ABTB2: variants seen among roughly 807,000 people sequenced by gnomAD.
The protein encoded by ABTB2 is ankyrin repeat and BTB/POZ domain-containing protein 2.
A neutral mutation model predicts 104.1 loss-of-function variants in ABTB2; 56 were observed. The observed-to-expected ratio is 0.54, with a 90% CI of 0.43 to 0.67. ABTB2 has a LOEUF of 0.67. Among genes scored for constraint, ABTB2 ranks in the 30% least tolerant of loss-of-function variants. The pLI, the probability that ABTB2 is intolerant of heterozygous loss-of-function variation, is 0.00. For synonymous variants in ABTB2, 606 were observed against 608.2 expected, an observed-to-expected ratio of 1.00 and a Z score of 0.05; for missense variants, 1,279 against 1,407.7, an observed-to-expected ratio of 0.91 and a Z score of 1.46.
chr11:34,354,017 A>C (rs1167636564), intron 1 of ABTB2, among the ~76,000 whole-genome samples: 1 of 152,166 alleles, frequency 6.6e-6, no homozygotes, highest in Non-Finnish European at 1.5e-5. Context: ...TAAGTAATTC[A>C]TTGCCCCTCT....
chr11:34,248,900 G>A (rs910108718), intron 1 of ABTB2, among the ~76,000 whole-genome samples: 3 of 152,232 alleles, frequency 2.0e-5, no homozygotes, highest in African/African-American at 4.8e-5. Context: ...GGAGGCCAAG[G>A]CGGGCCGATC....
At chr11:34,350,169 C>G (rs1202677265) in intron 1 of ABTB2, among the ~76,000 whole-genome samples, 24 of 152,164 alleles carry the variant, frequency 1.6e-4, no homozygotes, top group Admixed American at 1.6e-3. Context: ...ACATCGCTGA[C>G]TCATTCTCTC....
intron 1 of ABTB2, among the ~76,000 whole-genome samples, chr11:34,247,809 A>G (rs775154272): frequency 5.3e-5 from 8 of 152,238 alleles, no homozygotes; most frequent in Non-Finnish European, 1.0e-4. Context: ...TAAACCTCCT[A>G]TGAGAAAACA....
chr11:34,304,205 G>A (rs117253544), intron 1 of ABTB2, among the ~76,000 whole-genome samples: 1 of 152,276 alleles, frequency 6.6e-6, no homozygotes, highest in East Asian at 1.9e-4. Context: ...CAGTCCTATC[G>A]CAGTTTCAGG....
At position 34,173,219 on chromosome 11, in the gene ABTB2, C is replaced by T. The variant is rs147738538; in HGVS notation, c.1333G>A (p.Gly445Ser). ...EHRRSLTVDS[G>S]DIRQAARLLL... is the part of the protein sequence containing the mutation. ...AGCCGGGCTGCCTGCCGGATGTCGC[C>T]GCTGTCCACGGTGAGGCTGCGGCGG... The change falls in exon 4 of 17, where the codon GGC becomes AGC. Residue 445 changes from glycine to serine, a missense_variant. Gly to Ser is a moderately conservative substitution (Grantham distance 56). Coordinates refer to ENST00000435224, the MANE Select transcript of ABTB2 (RefSeq NM_145804.3). 3.3e-5 allele frequency: 54 copies of T among 1,613,480 alleles called. No homozygotes were observed. The highest frequency in any genetic ancestry group is 4.0e-5 in the Non-Finnish European group (47 of 1,179,926).
Position 34,152,268 on chromosome 11 carries a change from G to C in ABTB2, c.*119C>G. ...TGCCCGGTGACAGGGGGGACATCTG[G>C]GGGAGGAGGAGGAAACAGCCCCGTG... is the stretch of plus-strand genomic sequence containing the variant. On this transcript the variant is annotated 3_prime_UTR_variant, in exon 17 of 17. Coordinates refer to ENST00000435224, the MANE Select transcript of ABTB2 (RefSeq NM_145804.3). The C allele has an allele frequency of 2.7e-6, 3 of 1,128,148 alleles. No individual in the cohort carries two copies. The South Asian group carries it at 4.7e-5, about 18-fold the overall frequency. The allele number at this position is 1,128,148 out of a possible 1,614,324, so 69.9% of individuals were successfully genotyped here. A position where few individuals can be genotyped will look rare whatever the true frequency, so the allele number is the denominator to read the frequency against.
chr11:34,227,421 T>C (rs1219339288), intron 1 of ABTB2, among the ~76,000 whole-genome samples: 1 of 152,230 alleles, frequency 6.6e-6, no homozygotes, highest in Non-Finnish European at 1.5e-5. Context: ...TTCACATAAA[T>C]GGAATCCCAC....
At chr11:34,184,613 G>T (rs986102300) in intron 3 of ABTB2, among the ~76,000 whole-genome samples, 19 of 152,230 alleles carry the variant, frequency 1.2e-4, no homozygotes, top group African/African-American at 4.1e-4. Context: ...AGCCCTGCAA[G>T]GGCCAGGACA....
chr11:34,223,197 G>A (rs1397517616), intron 1 of ABTB2, among the ~76,000 whole-genome samples: 1 of 152,126 alleles, frequency 6.6e-6, no homozygotes, highest in Non-Finnish European at 1.5e-5. Context: ...GCCGAGGACC[G>A]AGTGGAAACA....
intron 1 of ABTB2, among the ~76,000 whole-genome samples, chr11:34,286,627 C>T: frequency 6.6e-6 from 1 of 152,114 alleles, no homozygotes; most frequent in East Asian, 1.9e-4. Context: ...CCTTTCCATT[C>T]CTAGGTTCCT....
At chr11:34,202,637 C>T (rs796880326) in intron 2 of ABTB2, among the ~76,000 whole-genome samples, 3 of 151,954 alleles carry the variant, frequency 2.0e-5, no homozygotes, top group South Asian at 4.2e-4. Flanking sequence ...GTGAGGAGTT[C>T]GAGACCAGCC....
chr11:34,157,375 G>A (rs1220051763), intron 14 of ABTB2, among the ~76,000 whole-genome samples: 3 of 152,162 alleles, frequency 2.0e-5, no homozygotes, highest in Non-Finnish European at 2.9e-5. Flanking sequence ...CAGCAACCCC[G>A]GGAGGTGCCA....
chr11:34,152,485 C>T lies in ABTB2; in HGVS notation c.2980G>A (p.Gly994Ser), dbSNP rs114304923. 1,869 of 1,608,030 alleles carry T rather than the reference C, an allele frequency of 1.2e-3. 24 individuals are homozygous for T. In the African/African-American group the frequency reaches 0.022, roughly 19 times the overall value. Reference sequence around the variant, plus strand: ...AGGCCCTGCACTTTGCTGCTGCGGCCGTAGATGAGCTGCCGGAAGGCATCC... The same window carrying T: ...AGGCCCTGCACTTTGCTGCTGCGGCTGTAGATGAGCTGCCGGAAGGCATCC... ...EQDAFRQLIY[G>S]RSSKVQGLDP... is the part of the protein sequence containing the mutation. Residue 994 changes from glycine to serine, a missense_variant, in exon 17 of 17, where the codon GGC becomes AGC. Transcript: ENST00000435224.
intron 1 of ABTB2, among the ~76,000 whole-genome samples, chr11:34,212,470 C>A (rs1020076456): frequency 1.3e-5 from 2 of 152,150 alleles, no homozygotes; most frequent in African/African-American, 4.8e-5. Flanking sequence ...CTAGAAAGAC[C>A]CTCGCAGTGG....
At chr11:34,266,613 C>T (rs367582055) in intron 1 of ABTB2, among the ~76,000 whole-genome samples, 2 of 150,768 alleles carry the variant, frequency 1.3e-5, no homozygotes, top group East Asian at 2.0e-4. Context: ...TCTCCTCTCC[C>T]TCCCCTGCCA....
intron 1 of ABTB2, among the ~76,000 whole-genome samples, chr11:34,236,936 C>T (rs1351847317): frequency 6.6e-6 from 1 of 152,122 alleles, no homozygotes; most frequent in Non-Finnish European, 1.5e-5. Flanking sequence ...CCTTGGTGAA[C>T]CTCAAGTTTA....
chr11:34,236,773 G>T (rs1370146636), intron 1 of ABTB2, among the ~76,000 whole-genome samples: 1 of 152,140 alleles, frequency 6.6e-6, no homozygotes, highest in Non-Finnish European at 1.5e-5. Flanking sequence ...CGCATCAGCC[G>T]CAAAGCTGCT....
At position 34,164,909 on chromosome 11, in the gene ABTB2, C is replaced by T. The variant is rs890568483; in HGVS notation, c.1853-88G>A. On this transcript the variant is annotated intron_variant, in intron 8 of 16. Transcript: ENST00000435224. ...GAAAGGGAAGGGAGAGCAGGATTCT[C>T]GCAGCTCTGAGTGCTGGAATAAGTC... 4.9e-5 allele frequency: 72 copies of T among 1,478,746 alleles called. No homozygotes were observed. The East Asian group carries it at 1.3e-3, about 28-fold the overall frequency. 91.6% of individuals were successfully genotyped at this position (1,478,746 alleles called of 1,614,324 possible).
At chr11:34,175,234 G>C (rs1354403916) in intron 3 of ABTB2, among the ~76,000 whole-genome samples, 2 of 152,204 alleles carry the variant, frequency 1.3e-5, no homozygotes, top group Non-Finnish European at 2.9e-5. Context: ...ATTTTAAAAA[G>C]TGGCAAACAA....
Sources: gnomAD v4.1 joint callset for allele counts (sites outside exome capture counted in the v4.1 genomes callset) on GRCh38, gnomAD v4.1.1 for gene constraint, MANE v1.5 for transcripts, NCBI Gene and HGNC (gene_info 2026-07-23, HGNC 2026-07-21) for gene names.